The following PRRC2B variants were observed in gnomAD, a reference collection of about 807,000 sequenced individuals.
PRRC2B encodes the protein protein PRRC2B.
PRRC2B carries 68 observed loss-of-function variants against 242.3 expected under a neutral mutation model. The observed-to-expected ratio is 0.28, with a 90% CI of 0.23 to 0.34. The LOEUF (loss-of-function observed/expected upper bound fraction) is 0.34. Among genes scored for constraint, PRRC2B ranks in the 10% least tolerant of loss-of-function variants. The pLI is 1.00. For missense variants in PRRC2B, 2,835 were observed against 2,954.8 expected (o/e 0.96, Z 0.94); for synonymous variants, 1,228 against 1,173.6 (o/e 1.05, Z -0.95).
At position 131,487,255 on chromosome 9, in the gene PRRC2B, C is replaced by T; in HGVS notation, c.5945C>T (p.Ser1982Phe). The change falls in exon 27 of 32, where the codon TCC becomes TTC. Residue 1982 changes from serine to phenylalanine, a missense_variant. This residue lies in a region of PRRC2B where 574 missense variants were observed against 626.0 expected (regional missense o/e 0.92). Coordinates refer to ENST00000683519, the MANE Select transcript of PRRC2B (RefSeq NM_013318.4). This position sits in a 1 kb window ranked among gnomAD's most constrained non-coding sequence, Gnocchi z 5.3. Reference protein sequence around the residue: ...QLGLRGGLPVSQSQEIFSSLQ... With the variant: ...QLGLRGGLPVFQSQEIFSSLQ... Reference sequence around the variant, plus strand: ...GGACTGAGGGGTGGGCTTCCTGTGTCCCAGTCCCAGGAGATCTTCAGCTCC... The same window carrying T: ...GGACTGAGGGGTGGGCTTCCTGTGTTCCAGTCCCAGGAGATCTTCAGCTCC... 6.2e-7 allele frequency: 1 copy of T among 1,612,862 alleles called. No homozygotes were observed. The highest frequency in any genetic ancestry group is 8.5e-7 in the Non-Finnish European group (1 of 1,179,404).
intron 14 of PRRC2B, 46 bp from the exon 15 acceptor site, chr9:131,473,462 G>C: frequency 6.9e-7 from 1 of 1,448,750 alleles, no homozygotes; most frequent in South Asian, 1.2e-5. Context: ...GATTGGAGCA[G>C]GGCTTTCTAA....
intron 1 of PRRC2B, among the ~76,000 whole-genome samples, chr9:131,383,544 G>A (rs1225534043): frequency 2.6e-5 from 4 of 151,814 alleles, no homozygotes; most frequent in African/African-American, 7.3e-5. Context: ...GAAAGCTCAC[G>A]AAATCAGTCT....
Position 131,484,797 on chromosome 9 carries a change from C to A in PRRC2B, c.5565+7C>A. The A allele has an allele frequency of 6.2e-7, 1 of 1,602,040 alleles. No homozygotes were observed. Among genetic ancestry groups the A allele is most frequent in the South Asian group, 1.1e-5 (1 of 89,670 alleles). ...CGCCGACCTTACTCTGAAGGTAACA[C>A]CAGCCCTGAGCTGGGTGAGGGCCCA... On this transcript the variant is annotated splice_region_variant and intron_variant, in intron 24 of 31. Transcript: ENST00000683519.
At chr9:131,445,167 T>G (rs1054407144) in intron 6 of PRRC2B, among the ~76,000 whole-genome samples, 5 of 147,752 alleles carry the variant, frequency 3.4e-5, no homozygotes, top group African/African-American at 1.2e-4. Context: ...TTTTGCTGCT[T>G]TTTTTTTTTT....
chr9:131,426,833 GAATGTGGGCA>G (rs1837989300), intron 1 of PRRC2B, among the ~76,000 whole-genome samples: 1 of 152,228 alleles, frequency 6.6e-6, no homozygotes, highest in African/African-American at 2.4e-5. Context: ...CTTGGCCACT[GAATGTGGGCA>G]GCAGTCCCAT....
At chr9:131,472,182 T>TTTGA (rs1564294851) in intron 14 of PRRC2B, among the ~76,000 whole-genome samples, 1 of 152,208 alleles carries the variant, frequency 6.6e-6, no homozygotes, top group Non-Finnish European at 1.5e-5. Flanking sequence ...TGTTAGCCTC[T>TTTGA]TTGAGCCCTT....
At chr9:131,474,309 T>C in intron 15 of PRRC2B, 145 bp from the exon 16 acceptor site, 1 of 704,978 alleles carries the variant, frequency 1.4e-6, no homozygotes, top group Non-Finnish European at 2.3e-6. Context: ...TTGTTGTTTT[T>C]TGTTTTGTTT....
At chr9:131,454,998 A>G in intron 9 of PRRC2B, 78 bp from the exon 10 acceptor site, 1 of 1,088,700 alleles carries the variant, frequency 9.2e-7, no homozygotes, top group Non-Finnish European at 1.4e-6. Context: ...CTGGGATTAC[A>G]GGCATGAGCC....
upstream of PRRC2B, among the ~76,000 whole-genome samples, chr9:131,390,946 C>T (rs188983753): frequency 1.3e-5 from 2 of 151,756 alleles, no homozygotes; most frequent in East Asian, 3.9e-4. Context: ...ACCACCAGGC[C>T]TGGCTAATTT....
chr9:131,396,324 T>A (rs1033349820), intron 1 of PRRC2B, among the ~76,000 whole-genome samples: 1 of 141,976 alleles, frequency 7.0e-6, no homozygotes, highest in African/African-American at 2.6e-5. Context: ...TCTTTTCTTT[T>A]CTTTTTTTTT....
Position 131,418,713 on chromosome 9 carries a change from G to GGT in PRRC2B, c.-51-11371_-51-11370dup, listed in dbSNP as rs1490855304. Among the ~76,000 whole-genome samples, 5 of 152,130 alleles carry GGT rather than the reference G, an allele frequency of 3.3e-5. No homozygotes were observed. The East Asian group carries it at 5.8e-4, about 18-fold the overall frequency. On this transcript the variant is annotated intron_variant, in intron 1 of 31. Transcript: ENST00000683519. ...TGGCTGGGACGTGGCCTTCCTCCTC[G>GGT]GTGTGTGTGTGCTCAGCTCAGCCTT... is the stretch of plus-strand genomic sequence containing the variant.
chr9:131,381,670 C>T (rs995810523), intron 1 of PRRC2B, among the ~76,000 whole-genome samples: 16 of 152,004 alleles, frequency 1.1e-4, no homozygotes, highest in African/African-American at 2.9e-4. Flanking sequence ...CTGCCTGCCT[C>T]GGCCTCCCAA....
At chr9:131,431,111 C>T (rs534361978) in intron 2 of PRRC2B, among the ~76,000 whole-genome samples, 4 of 151,856 alleles carry the variant, frequency 2.6e-5, no homozygotes, top group African/African-American at 2.4e-5. Flanking sequence ...CCACCACGCC[C>T]GGCTAATTTT....
Position 131,487,710 on chromosome 9 carries a change from C to G in PRRC2B, c.5985-146C>G. The G allele has an allele frequency of 9.5e-7, 1 of 1,055,240 alleles. No individual in the cohort carries two copies. 65.4% of individuals were successfully genotyped at this position (1,055,240 alleles called of 1,614,324 possible). Reference sequence around the variant, plus strand: ...GCCATCTAGGAGCTTGTTCTCAGGCCCCATCCTGGACCCTCTGAGTCGCGC... The same window carrying G: ...GCCATCTAGGAGCTTGTTCTCAGGCGCCATCCTGGACCCTCTGAGTCGCGC... On this transcript the variant is annotated intron_variant, in intron 27 of 31. Transcript: ENST00000683519. This position sits in a 1 kb window ranked among gnomAD's most constrained non-coding sequence, Gnocchi z 5.3.
rs1205865435 is a variant in PRRC2B, at chr9:131,497,017, C to T, written c.*1143C>T. 6.6e-6 allele frequency: 1 copy of T among 152,390 alleles called. No homozygotes were observed. The highest frequency in any genetic ancestry group is 2.4e-5 in the African/African-American group (1 of 41,472). 9.4% of individuals were successfully genotyped at this position (152,390 alleles called of 1,614,324 possible). A position where few individuals can be genotyped will look rare whatever the true frequency, so the allele number is the denominator to read the frequency against. ...TCTCTGGACCTGTCTCCACCTCCCA[C>T]ACAGCTCATCGTGAACACCACTTGG... On this transcript the variant is annotated 3_prime_UTR_variant, in exon 32 of 32. Coordinates refer to ENST00000683519, the MANE Select transcript of PRRC2B (RefSeq NM_013318.4).
rs1473570934 is a variant in PRRC2B, at chr9:131,386,714, C to A, written c.-56+12983C>A. On this transcript the variant is annotated intron_variant, in intron 1 of 1. Transcript: ENST00000682525. ...TGCCATTCAACAAACCAACCAAATT[C>A]ATTGAGCACTCACTATTTGCCAGGC... Among the ~76,000 whole-genome samples the A allele has an allele frequency of 2.0e-5, 3 of 150,030 alleles. 1 individual carries two copies. The Admixed American group carries it at 2.1e-4, about 11-fold the overall frequency.
upstream of PRRC2B, among the ~76,000 whole-genome samples, chr9:131,392,223 C>T (rs138098200): frequency 5.1e-3 from 776 of 151,814 alleles, 9 homozygotes; most frequent in African/African-American, 0.018. Flanking sequence ...CTCAGCCTCC[C>T]AAGTAGCTGG....
chr9:131,400,963 CTTT>C (rs765033495), intron 1 of PRRC2B, among the ~76,000 whole-genome samples: 11 of 131,326 alleles, frequency 8.4e-5, no homozygotes, highest in Admixed American at 7.4e-5. Context: ...TTCTTTCTTT[CTTT>C]TTTTTTTTTT....
chr9:131,452,030 C>G (rs2966371), intron 9 of PRRC2B, among the ~76,000 whole-genome samples: 143,574 of 152,226 alleles, frequency 0.94, 68,044 homozygotes, highest in East Asian at 1. Context: ...TCAAGTTATG[C>G]TGGGCTTATA....
Sources: gnomAD v4.1 joint callset for allele counts (sites outside exome capture counted in the v4.1 genomes callset) on GRCh38, gnomAD v4.1.1 for gene constraint, gnomAD v4.1.1 regional missense constraint, Gnocchi (gnomAD v3.1) non-coding constraint, MANE v1.5 for transcripts, NCBI Gene and HGNC (gene_info 2026-07-23, HGNC 2026-07-21) for gene names.